The following DLGAP2 variants were observed in gnomAD, a reference collection of about 807,000 sequenced individuals.
DLGAP2 encodes disks large-associated protein 2.
A neutral mutation model predicts 100.3 loss-of-function variants in DLGAP2; 26 were observed. The observed-to-expected ratio is 0.26, with a 90% CI of 0.19 to 0.36. The LOEUF (loss-of-function observed/expected upper bound fraction) is 0.36. DLGAP2 is among the 10% of genes least tolerant of loss of function. The pLI is 1.00. For synonymous variants in DLGAP2, 886 were observed against 630.1 expected (o/e 1.41, Z -6.08); for missense variants, 1,858 against 1,453.2 (o/e 1.28, Z -4.53).
intron 1 of DLGAP2, among the ~76,000 whole-genome samples, chr8:785,055 A>G (rs918096560): frequency 3.3e-5 from 5 of 151,684 alleles, no homozygotes; most frequent in African/African-American, 2.4e-5. Context: ...AAAATACAAA[A>G]CAATACAAAA....
Position 946,012 on chromosome 8 carries a change from G to T in DLGAP2, c.73+38046G>T, listed in dbSNP as rs573344985. 5.9e-5 allele frequency among the ~76,000 whole-genome samples: 9 copies of T among 152,172 alleles called. 1 individual carries two copies. The South Asian group carries it at 1.9e-3, about 32-fold the overall frequency. On this transcript the variant is annotated intron_variant, in intron 2 of 14. Coordinates refer to ENST00000637795, the MANE Select transcript of DLGAP2 (RefSeq NM_001346810.2). ...TGCCCCACTTTGCTGCATGGTCTCT[G>T]GGGGGTTGAACTCCTTTGCTCCTGA...
intron 2 of DLGAP2, among the ~76,000 whole-genome samples, chr8:988,713 C>G (rs765784975): frequency 3.9e-5 from 6 of 152,166 alleles, no homozygotes; most frequent in African/African-American, 9.7e-5. Flanking sequence ...CCTGCCCTGT[C>G]CACCTGCCCT....
intron 2 of DLGAP2, among the ~76,000 whole-genome samples, chr8:963,794 C>T (rs1036683425): frequency 6.6e-6 from 1 of 152,144 alleles, no homozygotes; most frequent in Non-Finnish European, 1.5e-5. Context: ...TTCCATTAAA[C>T]ATTACATAAA....
chr8:954,274 A>T (rs1189225656), intron 2 of DLGAP2, among the ~76,000 whole-genome samples: 1 of 152,168 alleles, frequency 6.6e-6, no homozygotes, highest in African/African-American at 2.4e-5. Context: ...AACTATAGTC[A>T]CCATGTTGTA....
intron 3 of DLGAP2, among the ~76,000 whole-genome samples, chr8:1,309,704 G>C (rs1241185313): frequency 1.3e-5 from 2 of 152,204 alleles, no homozygotes; most frequent in African/African-American, 4.8e-5. Context: ...TATGTATTTG[G>C]TTTGTAACTC....
intron 2 of DLGAP2, among the ~76,000 whole-genome samples, chr8:1,204,187 C>T (rs1229490013): frequency 6.6e-6 from 1 of 152,224 alleles, no homozygotes; most frequent in Non-Finnish European, 1.5e-5. Flanking sequence ...AAGTCACACC[C>T]ATCACAGAAT....
At chr8:887,857 T>C (rs1021661082) in intron 1 of DLGAP2, among the ~76,000 whole-genome samples, 1 of 152,208 alleles carries the variant, frequency 6.6e-6, no homozygotes, top group African/African-American at 2.4e-5. Flanking sequence ...GTCTTGGGGT[T>C]GATCTTCTCA....
chr8:1,311,443 C>T (rs969373064), intron 3 of DLGAP2, among the ~76,000 whole-genome samples: 8 of 152,258 alleles, frequency 5.3e-5, no homozygotes, highest in Admixed American at 1.3e-4. Flanking sequence ...CCAGCATTAC[C>T]GTGGTAGCTG....
intron 3 of DLGAP2, among the ~76,000 whole-genome samples, chr8:1,288,678 A>AGC (rs1347520454): frequency 5.1e-5 from 6 of 118,388 alleles, no homozygotes; most frequent in African/African-American, 1.0e-4. Context: ...GTTTCGGTTC[A>AGC]GTGTGTGTGT....
chr8:892,141 A>G (rs1798047636), intron 1 of DLGAP2, among the ~76,000 whole-genome samples: 1 of 152,118 alleles, frequency 6.6e-6, no homozygotes, highest in Admixed American at 6.5e-5. Context: ...AAAATGGTGT[A>G]TGGAGATTCA....
chr8:1,413,804 A>G lies in DLGAP2; in HGVS notation c.107-87562A>G, dbSNP rs184270554. ...AGGTCTCACAAAGCTCCATCAGTGCACACACGCCTGCCAGGTGGGCCTTGG... is the reference window on the plus strand; with the variant it reads ...AGGTCTCACAAAGCTCCATCAGTGCGCACACGCCTGCCAGGTGGGCCTTGG... On this transcript the variant is annotated intron_variant, in intron 3 of 14. Transcript: ENST00000637795. Among the ~76,000 whole-genome samples, 765 of 152,384 alleles carry G rather than the reference A, an allele frequency of 5.0e-3. 7 individuals are homozygous for G. Among genetic ancestry groups the G allele is most frequent in the Non-Finnish European group, 8.5e-3 (577 of 68,034 alleles).
chr8:1,289,308 G>T (rs534781540), intron 3 of DLGAP2, among the ~76,000 whole-genome samples: 1 of 152,212 alleles, frequency 6.6e-6, no homozygotes, highest in Non-Finnish European at 1.5e-5. Context: ...GACCAAATTG[G>T]AGGAAATGAA....
Position 1,589,511 on chromosome 8 carries a change from C to T in DLGAP2, c.1442+23617C>T, listed in dbSNP as rs369835931. On this transcript the variant is annotated intron_variant, in intron 6 of 14. Coordinates refer to ENST00000637795, the MANE Select transcript of DLGAP2 (RefSeq NM_001346810.2). The stretch of plus-strand genomic sequence containing the variant: ...GAGTGCAGTGGGAGGATCACAGCTC[C>T]CTGCAGCCTCAACCTCCCCAGGCTC... Among the ~76,000 whole-genome samples the T allele has an allele frequency of 6.6e-5, 10 of 152,242 alleles. No homozygotes were observed. In the East Asian group the frequency reaches 9.7e-4, roughly 15 times the overall value.
At chr8:1,122,492 C>G in intron 2 of DLGAP2, among the ~76,000 whole-genome samples, 1 of 152,206 alleles carries the variant, frequency 6.6e-6, no homozygotes. Context: ...TTTGATCCCA[C>G]AATAGGTTGA....
At chr8:973,303 C>T (rs1021879475) in intron 2 of DLGAP2, among the ~76,000 whole-genome samples, 1 of 151,864 alleles carries the variant, frequency 6.6e-6, no homozygotes, top group Non-Finnish European at 1.5e-5. Context: ...GGGCTGTCCC[C>T]CCACCTCCCA....
chr8:1,593,444 G>A (rs1343060567), intron 6 of DLGAP2, among the ~76,000 whole-genome samples: 1 of 151,854 alleles, frequency 6.6e-6, no homozygotes, highest in South Asian at 2.1e-4. Flanking sequence ...GACAAGGCAA[G>A]ACTCCGTCTC....
chr8:1,002,824 T>G (rs1800999114), intron 2 of DLGAP2: 1 of 152,114 alleles, frequency 6.6e-6, no homozygotes, highest in Non-Finnish European at 1.5e-5. Flanking sequence ...TTTGACCGAG[T>G]CCTGGACTAG....
chr8:843,933 A>G (rs1186156777), intron 1 of DLGAP2, among the ~76,000 whole-genome samples: 1 of 152,216 alleles, frequency 6.6e-6, no homozygotes, highest in Non-Finnish European at 1.5e-5. Flanking sequence ...ACACACTTTA[A>G]TGGATTACTT....
intron 1 of DLGAP2, among the ~76,000 whole-genome samples, chr8:760,478 C>G (rs543523703): frequency 6.6e-6 from 1 of 152,300 alleles, no homozygotes; most frequent in African/African-American, 2.4e-5. Flanking sequence ...TCTTGCCTGT[C>G]CAAAACTCTA....
Sources: allele counts gnomAD v4.1 joint callset (sites outside exome capture counted in the v4.1 genomes callset), GRCh38; gene constraint gnomAD v4.1.1; transcripts MANE v1.5; gene names NCBI Gene and HGNC (gene_info 2026-07-23, HGNC 2026-07-21).